WASL: variants seen among roughly 807,000 people sequenced by gnomAD.
WASL encodes the protein WASP like actin nucleation promoting factor.
A neutral mutation model predicts 55.5 loss-of-function variants in WASL; 20 were observed. That is an observed-to-expected ratio of 0.36 (90% confidence interval 0.25 to 0.52). WASL has a LOEUF of 0.52. Ranked by LOEUF, WASL falls within the 20% of genes least tolerant of loss-of-function variation. The pLI, the probability that WASL is intolerant of heterozygous loss-of-function variation, is 0.92. For missense variants in WASL, 504 were observed against 622.5 expected, an observed-to-expected ratio of 0.81 and a Z score of 2.03; for synonymous variants, 249 against 217.6, an observed-to-expected ratio of 1.14 and a Z score of -1.27.
intron 1 of WASL, among the ~76,000 whole-genome samples, chr7:123,714,522 G>C (rs1428462748): frequency 6.6e-6 from 1 of 152,214 alleles, no homozygotes; most frequent in African/African-American, 2.4e-5. Context: ...AACGGAGCCA[G>C]ATAGAAACAG....
intron 1 of WASL, among the ~76,000 whole-genome samples, chr7:123,734,610 A>AC (rs1804195876): frequency 6.6e-6 from 1 of 151,540 alleles, no homozygotes; most frequent in Admixed American, 6.6e-5. Context: ...AAAAAAAAAA[A>AC]AAAATCAGTG....
At chr7:123,737,328 T>G (rs1804251409) in intron 1 of WASL, among the ~76,000 whole-genome samples, 1 of 152,132 alleles carries the variant, frequency 6.6e-6, no homozygotes, top group Non-Finnish European at 1.5e-5. Flanking sequence ...ACAGGCGCGG[T>G]GGCTCACGCC....
At chr7:123,730,283 C>T (rs976582314) in intron 1 of WASL, among the ~76,000 whole-genome samples, 21 of 151,790 alleles carry the variant, frequency 1.4e-4, no homozygotes, top group Non-Finnish European at 1.9e-4. Context: ...TGTTAGAGAA[C>T]GAATAAATGG....
chr7:123,715,139 C>T (rs569681009), intron 1 of WASL, among the ~76,000 whole-genome samples: 2 of 152,268 alleles, frequency 1.3e-5, no homozygotes, highest in East Asian at 3.9e-4. Flanking sequence ...CACATCATTC[C>T]TGTAATGGCC....
chr7:123,706,667 T>C (rs369431678), intron 3 of WASL, 73 bp downstream of exon 3: 22 of 1,121,090 alleles, frequency 2.0e-5, no homozygotes, highest in African/African-American at 1.8e-4. Context: ...AATAAGGTTC[T>C]ATAAATAATT....
intron 2 of WASL, among the ~76,000 whole-genome samples, chr7:123,707,934 C>T (rs1048326457): frequency 6.6e-6 from 1 of 152,132 alleles, no homozygotes; most frequent in African/African-American, 2.4e-5. Context: ...GCCTGTAATC[C>T]CAGCACTTTG....
At chr7:123,729,688 G>A (rs891743748) in intron 1 of WASL, among the ~76,000 whole-genome samples, 1 of 152,140 alleles carries the variant, frequency 6.6e-6, no homozygotes, top group Non-Finnish European at 1.5e-5. Context: ...TACACATGAA[G>A]CCAATTTCTA....
chr7:123,707,760 CA>C (rs1392069319), intron 2 of WASL, among the ~76,000 whole-genome samples: 38 of 152,282 alleles, frequency 2.5e-4, no homozygotes, highest in African/African-American at 8.9e-4. Context: ...GGGTTTCTTT[CA>C]AACTACGTAT....
At chr7:123,700,418 A>C (rs555710625) in intron 5 of WASL, among the ~76,000 whole-genome samples, 10 of 147,132 alleles carry the variant, frequency 6.8e-5, no homozygotes, top group African/African-American at 2.3e-4. Flanking sequence ...TTCCTAGTCC[A>C]CTACCCTTCC....
chr7:123,694,873 A>C lies in WASL; in HGVS notation c.673-5T>G. ...TTCTGGATCCAAATTATTCAGCTAC[A>C]AAAGAAAGTAACTGCTAACTATAAA... On this transcript the variant is annotated splice_region_variant and splice_polypyrimidine_tract_variant and intron_variant, in intron 7 of 10. Transcript: ENST00000223023. The C allele has an allele frequency of 6.3e-7, 1 of 1,599,548 alleles. No individual in the cohort carries two copies. Among genetic ancestry groups the C allele is most frequent in the Non-Finnish European group, 8.5e-7 (1 of 1,176,102 alleles).
chr7:123,688,505 C>T (rs1214226988), intron 10 of WASL, among the ~76,000 whole-genome samples: 3 of 152,132 alleles, frequency 2.0e-5, no homozygotes, highest in Non-Finnish European at 4.4e-5. Flanking sequence ...GAATTACAGG[C>T]ATGCGCCACC....
chr7:123,732,967 ACT>A (rs572106528), intron 1 of WASL, among the ~76,000 whole-genome samples: 4 of 151,942 alleles, frequency 2.6e-5, no homozygotes, highest in Non-Finnish European at 5.9e-5. Context: ...GTAAAAGCAT[ACT>A]CATTCATAAT....
chr7:123,717,456 G>A (rs143587823), intron 1 of WASL, among the ~76,000 whole-genome samples: 27 of 152,298 alleles, frequency 1.8e-4, no homozygotes, highest in African/African-American at 5.5e-4. Flanking sequence ...CTCTGTATCC[G>A]CCTAGCTCCT....
intron 2 of WASL, among the ~76,000 whole-genome samples, chr7:123,707,943 T>C (rs1253404319): frequency 6.6e-6 from 1 of 152,168 alleles, no homozygotes; most frequent in African/African-American, 2.4e-5. Flanking sequence ...CCCAGCACTT[T>C]GGGAGCCTGA....
intron 1 of WASL, among the ~76,000 whole-genome samples, chr7:123,745,845 T>A (rs1273636699): frequency 6.6e-6 from 1 of 152,298 alleles, no homozygotes; most frequent in East Asian, 1.9e-4. Flanking sequence ...AGCTGTTTCA[T>A]ACCTCTCATC....
chr7:123,696,875 T>G lies in WASL; in HGVS notation c.461-128A>C. 3 of 696,562 alleles carry G rather than the reference T, an allele frequency of 4.3e-6. No individual in the cohort carries two copies. The East Asian group carries it at 1.1e-4, about 26-fold the overall frequency. The allele number at this position is 696,562 out of a possible 1,614,324, so 43.1% of individuals were successfully genotyped here. A position where few individuals can be genotyped will look rare whatever the true frequency, so the allele number is the denominator to read the frequency against. ...ATTATAAATTATTTATATTTTAAACTTCTACATTTTTTTCATAAAGTGCTG... is the reference window on the plus strand; with the variant it reads ...ATTATAAATTATTTATATTTTAAACGTCTACATTTTTTTCATAAAGTGCTG... On this transcript the variant is annotated intron_variant, in intron 5 of 10. Coordinates refer to ENST00000223023, the MANE Select transcript of WASL (RefSeq NM_003941.4).
intron 1 of WASL, among the ~76,000 whole-genome samples, chr7:123,709,535 A>C (rs189646962): frequency 5.9e-4 from 90 of 152,282 alleles, no homozygotes; most frequent in Non-Finnish European, 1.1e-3. Context: ...TACTATGATA[A>C]CTTCATTTTT....
intron 1 of WASL, among the ~76,000 whole-genome samples, chr7:123,710,283 A>C (rs1349536889): frequency 6.6e-6 from 1 of 150,608 alleles, no homozygotes; most frequent in Non-Finnish European, 1.5e-5. Context: ...TTTTAATATA[A>C]ATATAAAAAT....
At chr7:123,730,300 AT>A (rs1234197712) in intron 1 of WASL, among the ~76,000 whole-genome samples, 13 of 152,258 alleles carry the variant, frequency 8.5e-5, no homozygotes, top group South Asian at 2.1e-4. Flanking sequence ...ATGGTGAATA[AT>A]TTTTTTCTTT....
Sources: gnomAD v4.1 joint callset for allele counts (sites outside exome capture counted in the v4.1 genomes callset) on GRCh38, gnomAD v4.1.1 for gene constraint, MANE v1.5 for transcripts, NCBI Gene and HGNC (gene_info 2026-07-23, HGNC 2026-07-21) for gene names.